Variants in SDK1 observed in about 807,000 individuals in gnomAD.
SDK1 encodes protein sidekick-1.
SDK1 carries 157 observed loss-of-function variants against 245.5 expected under a neutral mutation model. The observed-to-expected ratio is 0.64, with a 90% CI of 0.56 to 0.73. SDK1 has a LOEUF of 0.73. Among genes scored for constraint, SDK1 ranks in the 30% least tolerant of loss-of-function variants. The pLI is 0.00. For synonymous variants in SDK1, 1,647 were observed against 1,278.5 expected (o/e 1.29, Z -6.15); for missense variants, 3,583 against 3,002.3 (o/e 1.19, Z -4.52).
chr7:3,413,406 A>G (rs558436942), intron 1 of SDK1, among the ~76,000 whole-genome samples: 3 of 152,266 alleles, frequency 2.0e-5, no homozygotes, highest in African/African-American at 7.2e-5. Context: ...TTAAAAAGAT[A>G]ACTTGGAGCC....
intron 5 of SDK1, among the ~76,000 whole-genome samples, chr7:3,860,013 A>G (rs1562496031): frequency 1.3e-5 from 2 of 151,308 alleles, no homozygotes; most frequent in Admixed American, 1.3e-4. Context: ...TCCACCTCCC[A>G]GGTTCACGCC....
intron 1 of SDK1, among the ~76,000 whole-genome samples, chr7:3,489,640 T>G (rs912026549): frequency 6.6e-6 from 1 of 152,218 alleles, no homozygotes; most frequent in Non-Finnish European, 1.5e-5. Flanking sequence ...CAGTTTGTTT[T>G]TATTAAAATG....
chr7:3,366,140 C>G (rs1008951446), intron 1 of SDK1, among the ~76,000 whole-genome samples: 4 of 151,684 alleles, frequency 2.6e-5, no homozygotes, highest in African/African-American at 9.7e-5. Context: ...TCTGAGTTTT[C>G]AATTTCTGGA....
chr7:3,958,715 G>A (rs1781450803), intron 7 of SDK1, among the ~76,000 whole-genome samples: 1 of 152,150 alleles, frequency 6.6e-6, no homozygotes, highest in African/African-American at 2.4e-5. Context: ...CTGAAAAGTA[G>A]CCATCACCCT....
chr7:3,553,012 C>T (rs970769168), intron 1 of SDK1, among the ~76,000 whole-genome samples: 1 of 151,976 alleles, frequency 6.6e-6, no homozygotes, highest in Non-Finnish European at 1.5e-5. Flanking sequence ...AGTTGAAGAA[C>T]ATTTGGAAAA....
intron 1 of SDK1, among the ~76,000 whole-genome samples, chr7:3,509,996 C>T (rs1345103711): frequency 6.6e-6 from 1 of 152,148 alleles, no homozygotes; most frequent in African/African-American, 2.4e-5. Context: ...GGGCCAAGGA[C>T]TTTCCAGAGC....
intron 32 of SDK1, among the ~76,000 whole-genome samples, chr7:4,172,442 G>T (rs549698989): frequency 1.3e-5 from 2 of 152,308 alleles, no homozygotes; most frequent in African/African-American, 4.8e-5. Context: ...GGGGAGCAAA[G>T]AACACCGCTT....
At position 3,366,928 on chromosome 7, in the gene SDK1, G is replaced by T. The variant is rs1183842080; in HGVS notation, c.298+65044G>T. ...AGCTAATTTTTGTATTTTTAGTAGA[G>T]ACAGGGTTTTACCATGTTGGCCAGG... On this transcript the variant is annotated intron_variant, in intron 1 of 44. Coordinates refer to ENST00000404826, the MANE Select transcript of SDK1 (RefSeq NM_152744.4). 1.3e-5 allele frequency among the ~76,000 whole-genome samples: 2 copies of T among 151,936 alleles called. 1 individual carries two copies. The highest frequency in any genetic ancestry group is 4.2e-4 in the South Asian group (2 of 4,808).
intron 1 of SDK1, among the ~76,000 whole-genome samples, chr7:3,541,764 A>C (rs556476142): frequency 6.6e-6 from 1 of 152,334 alleles, no homozygotes; most frequent in African/African-American, 2.4e-5. Flanking sequence ...CTCCAATAAG[A>C]CATCACCCCA....
intron 34 of SDK1, among the ~76,000 whole-genome samples, chr7:4,176,964 C>T (rs1018862595): frequency 6.6e-6 from 1 of 152,212 alleles, no homozygotes; most frequent in Non-Finnish European, 1.5e-5. Context: ...AAGGGCTAGA[C>T]GTGGAGCCAT....
chr7:4,147,974 C>G (rs960843374), intron 29 of SDK1, among the ~76,000 whole-genome samples: 1 of 152,054 alleles, frequency 6.6e-6, no homozygotes, highest in Non-Finnish European at 1.5e-5. Flanking sequence ...CAGCCCCGCC[C>G]CACAGTCCCG....
At chr7:3,365,022 C>G (rs148144450) in intron 1 of SDK1, among the ~76,000 whole-genome samples, 1 of 152,020 alleles carries the variant, frequency 6.6e-6, no homozygotes, top group African/African-American at 2.4e-5. Context: ...TTCTTTGGAG[C>G]GATTGTAAGT....
At chr7:3,764,493 C>T (rs892686454) in intron 4 of SDK1, among the ~76,000 whole-genome samples, 21 of 152,082 alleles carry the variant, frequency 1.4e-4, no homozygotes, top group African/African-American at 4.6e-4. Context: ...CGAGACCAGC[C>T]TGACCAACAT....
chr7:3,645,209 A>G (rs1470586881), intron 4 of SDK1, among the ~76,000 whole-genome samples: 1 of 152,232 alleles, frequency 6.6e-6, no homozygotes, highest in Non-Finnish European at 1.5e-5. Context: ...CTAATAAAGT[A>G]AAGATGCTAG....
At chr7:4,106,685 G>C (rs577113779) in intron 22 of SDK1, among the ~76,000 whole-genome samples, 3 of 152,276 alleles carry the variant, frequency 2.0e-5, no homozygotes, top group South Asian at 4.1e-4. Flanking sequence ...CGATGAGCCT[G>C]GCTGCCTCTT....
At chr7:3,460,903 A>T (rs913553832) in intron 1 of SDK1, among the ~76,000 whole-genome samples, 1 of 152,200 alleles carries the variant, frequency 6.6e-6, no homozygotes, top group Non-Finnish European at 1.5e-5. Context: ...TTCTTGACTA[A>T]ATAGCAACCT....
chr7:4,182,104 A>T (rs1189760969), intron 35 of SDK1, among the ~76,000 whole-genome samples: 1 of 152,168 alleles, frequency 6.6e-6, no homozygotes, highest in Non-Finnish European at 1.5e-5. Flanking sequence ...TACTTTTAGT[A>T]GAGACGGGGT....
In SDK1 at chr7:3,736,005, C is replaced by T. The variant is rs564234705; in HGVS notation, c.714-85445C>T. Among the ~76,000 whole-genome samples the T allele has an allele frequency of 2.4e-4, 36 of 152,254 alleles. No individual in the cohort carries two copies. In the South Asian group the frequency reaches 6.8e-3, roughly 29 times the overall value. On this transcript the variant is annotated intron_variant, in intron 4 of 44. Transcript: ENST00000404826. ...AACCTTCTTTGGAGAAATGTCCATTCAAGTCCTTTGCCTGTTTTTTAATCA... is the reference window on the plus strand; with the variant it reads ...AACCTTCTTTGGAGAAATGTCCATTTAAGTCCTTTGCCTGTTTTTTAATCA...
At position 3,851,099 on chromosome 7, in the gene SDK1, C is replaced by A. The variant is rs147518648; in HGVS notation, c.847+29516C>A. The stretch of plus-strand genomic sequence containing the variant: ...TGCAACTAAATAAACCCCGTGCATG[C>A]ATGATTAGTAATTCAAAATTATACC... On this transcript the variant is annotated intron_variant, in intron 5 of 44. Coordinates refer to ENST00000404826, the MANE Select transcript of SDK1 (RefSeq NM_152744.4). 8.9e-3 allele frequency among the ~76,000 whole-genome samples: 1,349 copies of A among 152,268 alleles called. 24 individuals carry two copies. The highest frequency in any genetic ancestry group is 0.031 in the African/African-American group (1,297 of 41,558).
Sources: gnomAD v4.1 joint callset for allele counts (sites outside exome capture counted in the v4.1 genomes callset) on GRCh38, gnomAD v4.1.1 for gene constraint, MANE v1.5 for transcripts, NCBI Gene and HGNC (gene_info 2026-07-23, HGNC 2026-07-21) for gene names.